The following UBE3D variants were observed in gnomAD, a reference collection of about 807,000 sequenced individuals.
The protein encoded by UBE3D is ubiquitin protein ligase E3D, also known as E3 ubiquitin-protein ligase E3D.
Under a neutral mutation model 49.6 loss-of-function variants are expected in UBE3D, and 48 were observed. That is an observed-to-expected ratio of 0.97 (90% CI 0.77 to 1.23). UBE3D has a LOEUF of 1.23. Among genes scored for constraint, UBE3D ranks in the 50% most tolerant of loss-of-function variants. UBE3D has a pLI of 0.00. For synonymous variants in UBE3D, 189 were observed against 174.2 expected, an observed-to-expected ratio of 1.08 and a Z score of -0.67; for missense variants, 452 against 468.4, an observed-to-expected ratio of 0.96 and a Z score of 0.32.
At chr6:83,059,197 C>A (rs1391844356) in intron 1 of UBE3D, among the ~76,000 whole-genome samples, 4 of 151,904 alleles carry the variant, frequency 2.6e-5, no homozygotes, top group Non-Finnish European at 5.9e-5. Flanking sequence ...GCCTGGGCAA[C>A]AAAGCAAGGC....
intron 8 of UBE3D, chr6:83,017,308 A>G (rs921921745): frequency 6.6e-6 from 1 of 152,220 alleles, no homozygotes; most frequent in Non-Finnish European, 1.5e-5. Flanking sequence ...ACCTGTCACA[A>G]AAGTCCACAT....
At chr6:83,024,283 T>C (rs1003853804) in intron 5 of UBE3D, among the ~76,000 whole-genome samples, 8 of 152,174 alleles carry the variant, frequency 5.3e-5, no homozygotes, top group Non-Finnish European at 1.0e-4. Flanking sequence ...CTTACACATA[T>C]GGAAGATTAT....
At chr6:82,928,967 AATTTCAAACATAATT>A (rs1562092592) in intron 9 of UBE3D, among the ~76,000 whole-genome samples, 2 of 152,230 alleles carry the variant, frequency 1.3e-5, no homozygotes, top group Admixed American at 6.5e-5. Flanking sequence ...TCTGCATTAT[AATTTCAAACATAATT>A]ATTTCAAACA....
At chr6:82,957,123 T>C (rs1345384786) in intron 9 of UBE3D, among the ~76,000 whole-genome samples, 189 bp downstream of exon 9, 1 of 152,116 alleles carries the variant, frequency 6.6e-6, no homozygotes, top group Non-Finnish European at 1.5e-5. Context: ...AGAGAGTCTC[T>C]GCCTCCAAAA....
At chr6:82,911,572 A>G (rs535804248) in intron 9 of UBE3D, among the ~76,000 whole-genome samples, 1 of 152,318 alleles carries the variant, frequency 6.6e-6, no homozygotes, top group Admixed American at 6.5e-5. Context: ...TCCCATAGCA[A>G]CCTTTTAAAC....
chr6:82,898,236 G>A (rs1047053186), intron 9 of UBE3D, among the ~76,000 whole-genome samples: 6 of 152,184 alleles, frequency 3.9e-5, no homozygotes, highest in African/African-American at 7.2e-5. Flanking sequence ...TGGTGGGAGT[G>A]TAAATTAGTT....
chr6:82,982,592 T>C lies in UBE3D; in HGVS notation c.1011-25142A>G, dbSNP rs188548959. On this transcript the variant is annotated intron_variant, in intron 8 of 9. Coordinates refer to ENST00000369747, the MANE Select transcript of UBE3D (RefSeq NM_198920.3). ...TTAACATATCCCTGTCCCCCGAATT[T>C]CCTAAAAACTGGTAGTTGTATCTAG... 1.4e-4 allele frequency among the ~76,000 whole-genome samples: 21 copies of C among 152,328 alleles called. No individual in the cohort carries two copies. The East Asian group carries it at 3.1e-3, about 22-fold the overall frequency.
intron 9 of UBE3D, among the ~76,000 whole-genome samples, chr6:82,930,863 C>T (rs1018061632): frequency 3.9e-5 from 6 of 152,176 alleles, no homozygotes; most frequent in Non-Finnish European, 8.8e-5. Flanking sequence ...GAGCCCACTG[C>T]AGAAATTTGC....
In UBE3D at chr6:83,027,972, C is replaced by T. The variant is rs112496328; in HGVS notation, c.668-3934G>A. ...TTGCCTTTTGTCTCTCTGTGCTACA[C>T]AGCAGGTTTTTCTTGTCATCTATCT... is the stretch of plus-strand genomic sequence containing the variant. On this transcript the variant is annotated intron_variant, in intron 5 of 9. Transcript: ENST00000369747. 9.7e-3 allele frequency among the ~76,000 whole-genome samples: 1,471 copies of T among 152,278 alleles called. 21 individuals carry two copies. The highest frequency in any genetic ancestry group is 0.034 in the African/African-American group (1,394 of 41,560).
At chr6:82,939,757 CAT>C (rs1774869403) in intron 9 of UBE3D, among the ~76,000 whole-genome samples, 1 of 152,172 alleles carries the variant, frequency 6.6e-6, no homozygotes, top group South Asian at 2.1e-4. Flanking sequence ...TGCCTCATGA[CAT>C]GTTTCTCAGA....
chr6:83,057,944 G>A lies in UBE3D; in HGVS notation c.156C>T (p.Cys52=). 6.2e-7 allele frequency: 1 copy of A among 1,614,164 alleles called. No homozygotes were observed. The highest frequency in any genetic ancestry group is 2.2e-5 in the East Asian group (1 of 44,876). The change falls in exon 2 of 10, where the codon TGC becomes TGT. Residue 52 remains cysteine, a synonymous_variant. Coordinates refer to ENST00000369747, the MANE Select transcript of UBE3D (RefSeq NM_198920.3). ...SSLQMKTPEG[C]TEIQLPAEVR... ...CCTCTGCTGGAAGCTGGATTTCTGT[G>A]CAGCCTTCAGGGGTTTTCATCTGGA...
chr6:83,040,676 C>T, intron 4 of UBE3D, among the ~76,000 whole-genome samples: 1 of 152,232 alleles, frequency 6.6e-6, no homozygotes, highest in East Asian at 1.9e-4. Context: ...TCAAAAGTCT[C>T]TGCTGAGGAA....
intron 9 of UBE3D, among the ~76,000 whole-genome samples, chr6:82,904,955 T>G (rs918000861): frequency 1.3e-5 from 2 of 152,150 alleles, no homozygotes; most frequent in Admixed American, 1.3e-4. Context: ...CAGAGGCCAC[T>G]GGCTGGATTG....
chr6:83,065,765 G>C lies in UBE3D; in HGVS notation c.-47C>G. On this transcript the variant is annotated 5_prime_UTR_variant, in exon 1 of 10. Transcript: ENST00000369747. The stretch of plus-strand genomic sequence containing the variant: ...CGGACCAAGCTGGAGGTTCCGAGGG[G>C]CCCGGGTCAACAGGACCAGGAGAGG... 1.9e-6 allele frequency: 3 copies of C among 1,562,376 alleles called. No individual in the cohort carries two copies. The highest frequency in any genetic ancestry group is 2.6e-6 in the Non-Finnish European group (3 of 1,148,516).
At chr6:82,895,606 T>C (rs1771261643) in intron 9 of UBE3D, among the ~76,000 whole-genome samples, 1 of 152,202 alleles carries the variant, frequency 6.6e-6, no homozygotes, top group Non-Finnish European at 1.5e-5. Flanking sequence ...AACACTTTAT[T>C]AAGCCTACTT....
chr6:83,053,107 C>G (rs1783578096), intron 3 of UBE3D, among the ~76,000 whole-genome samples: 1 of 149,446 alleles, frequency 6.7e-6, no homozygotes, highest in African/African-American at 2.5e-5. Context: ...CGTAAACTTT[C>G]TTAAGACATG....
intron 8 of UBE3D, 61 bp from the exon 9 acceptor site, chr6:82,957,511 G>A: frequency 6.6e-7 from 1 of 1,515,464 alleles, no homozygotes; most frequent in African/African-American, 1.4e-5. Flanking sequence ...TTAAAAATCT[G>A]ATATGAAAGA....
rs116237941 is a variant in UBE3D at position 82,947,638 on chromosome 6, C to T, written c.1149+9674G>A. 7.0e-3 allele frequency among the ~76,000 whole-genome samples: 1,065 copies of T among 151,984 alleles called. 15 individuals carry two copies. Among genetic ancestry groups the T allele is most frequent in the African/African-American group, 0.024 (1,010 of 41,498 alleles). On this transcript the variant is annotated intron_variant, in intron 9 of 9. Coordinates refer to ENST00000369747, the MANE Select transcript of UBE3D (RefSeq NM_198920.3). ...ACGTCACAAAATAAGTCTTAAAACACTCAAAACACATTGAAATAACATCAA... is the reference window on the plus strand; with the variant it reads ...ACGTCACAAAATAAGTCTTAAAACATTCAAAACACATTGAAATAACATCAA...
At chr6:83,064,671 G>A (rs1186485108) in intron 1 of UBE3D, among the ~76,000 whole-genome samples, 2 of 152,102 alleles carry the variant, frequency 1.3e-5, no homozygotes, top group African/African-American at 4.8e-5. Context: ...CAGAATTGGA[G>A]ATATTTGTCC....
Sources: allele counts gnomAD v4.1 joint callset (sites outside exome capture counted in the v4.1 genomes callset), GRCh38; gene constraint gnomAD v4.1.1; transcripts MANE v1.5; gene names NCBI Gene and HGNC (gene_info 2026-07-23, HGNC 2026-07-21).